INTS4: variants seen among roughly 807,000 people sequenced by gnomAD.
INTS4 encodes the protein integrator complex subunit 4.
In INTS4, 70 loss-of-function variants were observed where a neutral mutation model predicts 119.5. The ratio of observed to expected loss-of-function variants is 0.59; its 90% CI spans 0.48 to 0.71. INTS4 has a LOEUF of 0.71. Ranked by LOEUF, INTS4 falls within the 30% of genes least tolerant of loss-of-function variation. The probability of loss-of-function intolerance (pLI) is 0.00; values close to 1 mark genes in which losing one functional copy is unlikely to be tolerated. For synonymous variants in INTS4, 316 were observed against 419.6 expected (o/e 0.75, Z 3.02); for missense variants, 867 against 1,173.2 (o/e 0.74, Z 3.81).
At chr11:77,935,903 A>AAAGAAAGAAAAGAAAGAGAG (rs1953777761) in intron 10 of INTS4, among the ~76,000 whole-genome samples, 6 of 86,990 alleles carry the variant, frequency 6.9e-5, no homozygotes, top group African/African-American at 1.1e-4. Context: ...CTCAAAAAAA[A>AAAGAAAGAAAAGAAAGAGAG]AAAAAAGAAA....
intron 18 of INTS4, among the ~76,000 whole-genome samples, chr11:77,897,216 A>G (rs536663257): frequency 6.1e-4 from 93 of 152,036 alleles, no homozygotes; most frequent in Non-Finnish European, 1.1e-3. Flanking sequence ...TATAAAGATT[A>G]TAAGTGGTGG....
intron 10 of INTS4, among the ~76,000 whole-genome samples, chr11:77,930,045 C>A (rs1280673650): frequency 2.6e-5 from 4 of 152,110 alleles, no homozygotes; most frequent in Non-Finnish European, 5.9e-5. Context: ...ATAAGTGGGT[C>A]CTGAACACGT....
At position 77,939,850 on chromosome 11, in the gene INTS4, A is replaced by AC. The variant is rs561565736; in HGVS notation, c.991-1026_991-1025insG. 4.9e-4 allele frequency among the ~76,000 whole-genome samples: 74 copies of AC among 151,470 alleles called. 1 individual carries two copies. The South Asian group carries it at 0.014, about 29-fold the overall frequency. ...ACAGAGCGAGACCCTGTCTCAAACAAAAAAAAAAAACAAAACAAACAAACA... is the reference window on the plus strand; with the variant it reads ...ACAGAGCGAGACCCTGTCTCAAACAACAAAAAAAAAACAAAACAAACAAACA... On this transcript the variant is annotated intron_variant, in intron 9 of 22. Transcript: ENST00000534064.
intron 15 of INTS4, among the ~76,000 whole-genome samples, chr11:77,908,828 G>GAA (rs1429171232): frequency 7.1e-6 from 1 of 140,012 alleles, no homozygotes; most frequent in Non-Finnish European, 1.6e-5. Context: ...TTTTGTATCA[G>GAA]AAAAAAACAT....
At chr11:77,882,074 G>C (rs1951815322) in intron 22 of INTS4, among the ~76,000 whole-genome samples, 1 of 152,034 alleles carries the variant, frequency 6.6e-6, no homozygotes, top group African/African-American at 2.4e-5. Flanking sequence ...ACCATGCCCA[G>C]TTAACTTTTT....
intron 9 of INTS4, among the ~76,000 whole-genome samples, chr11:77,939,859 A>C (rs1000268342): frequency 3.9e-5 from 6 of 151,994 alleles, no homozygotes; most frequent in Non-Finnish European, 8.8e-5. Flanking sequence ...AAAAAAAAAA[A>C]ACAAAACAAA....
chr11:77,963,294 C>A (rs1855326981), intron 4 of INTS4: 7 of 336,728 alleles, frequency 2.1e-5, no homozygotes, highest in South Asian at 1.3e-4. Flanking sequence ...CTTCTTGCAT[C>A]AAGGTCATCA....
intron 10 of INTS4, among the ~76,000 whole-genome samples, chr11:77,937,614 C>T (rs74633701): frequency 1.3e-5 from 2 of 151,984 alleles, no homozygotes; most frequent in African/African-American, 2.4e-5. Context: ...CATGGTGACA[C>T]GTGCTTCTGG....
intron 15 of INTS4, chr11:77,918,401 G>A (rs1265570483): frequency 8.5e-6 from 2 of 234,850 alleles, no homozygotes; most frequent in South Asian, 8.8e-5. Flanking sequence ...TGGGTGACAG[G>A]GTGAGACCCT....
intron 20 of INTS4, 87 bp from the exon 21 acceptor site, chr11:77,891,549 T>G: frequency 3.2e-6 from 5 of 1,569,172 alleles, no homozygotes; most frequent in Non-Finnish European, 4.3e-6. Context: ...CCTTATCTAA[T>G]GAGTGGGCAT....
intron 15 of INTS4, among the ~76,000 whole-genome samples, chr11:77,913,142 T>C (rs1397207452): frequency 1.3e-5 from 2 of 152,268 alleles, no homozygotes; most frequent in East Asian, 3.9e-4. Flanking sequence ...GAGGTCACTA[T>C]TCATACTGAG....
chr11:77,923,051 G>A (rs189734210), intron 12 of INTS4, among the ~76,000 whole-genome samples: 4 of 152,298 alleles, frequency 2.6e-5, no homozygotes, highest in Admixed American at 2.0e-4. Flanking sequence ...CGGGTGTGGT[G>A]GCTCACGCCT....
chr11:77,928,477 G>T lies in INTS4; in HGVS notation c.1236C>A (p.Cys412Ter). The T allele has an allele frequency of 6.2e-7, 1 of 1,609,226 alleles. No homozygotes were observed. Among genetic ancestry groups the T allele is most frequent in the Admixed American group, 1.7e-5 (1 of 59,606 alleles). Residue 412 changes from cysteine (C) to a stop codon, truncating the protein, a stop_gained, in exon 11 of 23, where the codon TGC (cysteine) becomes TGA (stop). Coordinates refer to ENST00000534064, the MANE Select transcript of INTS4 (RefSeq NM_033547.4). LOFTEE classifies it high-confidence loss of function. ...AQSSPSFAEKCLDFLVDMFND... is the reference protein window; with the variant it reads ...AQSSPSFAEK ...TGAACATGTCAACTAGGAAATCAAG[G>T]CACTTCTCAGCAAAAGAGGGTGAAG...
rs552096159 is a variant in INTS4, at chr11:77,880,496, ACT to A, written c.2714-1371_2714-1370del. 5.6e-4 allele frequency among the ~76,000 whole-genome samples: 86 copies of A among 152,344 alleles called. No individual in the cohort carries two copies. In the South Asian group the frequency reaches 0.017, roughly 30 times the overall value. On this transcript the variant is annotated intron_variant, in intron 22 of 22. Coordinates refer to ENST00000534064, the MANE Select transcript of INTS4 (RefSeq NM_033547.4). ...GGGTCATGCAGCAGCCATGAGTGTA[ACT>A]GTCATGAAACTAACACTGTTCTCTG...
intron 2 of INTS4, among the ~76,000 whole-genome samples, chr11:77,989,989 A>G (rs1856604229): frequency 6.6e-6 from 1 of 151,866 alleles, no homozygotes; most frequent in Non-Finnish European, 1.5e-5. Flanking sequence ...GCCAGGGTGC[A>G]TGGATCACTT....
In INTS4 at chr11:77,979,032, T is replaced by C; in HGVS notation, c.435A>G (p.Gln145=). ...CATCAACTAATCGCATTTGGATAGC[T>C]TGATTCTCTGGTAGCTTAGTGCCAA... The part of the protein sequence containing the change: ...LAIGTKLPEN[Q]AIQMRLVDVA... Residue 145 remains glutamine, a synonymous_variant, in exon 4 of 23, where the codon CAA becomes CAG. Transcript: ENST00000534064. 1 of 1,613,044 alleles carries C rather than the reference T, an allele frequency of 6.2e-7. No individual in the cohort carries two copies. The highest frequency in any genetic ancestry group is 8.5e-7 in the Non-Finnish European group (1 of 1,179,158).
rs1183783237 is a variant in INTS4 at position 77,981,542 on chromosome 11, G to T, written c.281C>A (p.Ser94Ter). 2.5e-6 allele frequency: 4 copies of T among 1,585,540 alleles called. No homozygotes were observed. Among genetic ancestry groups the T allele is most frequent in the Non-Finnish European group, 3.4e-6 (4 of 1,164,356 alleles). The part of the protein sequence containing the change: ...NDPSVRLKIA[S>*]LLGLLSKTAG... ...TGTCTTTGATAATAAACCCAACAAT[G>T]ATGCAATTTTCAGTCTCACAGATGG... The change falls in exon 3 of 23, where the codon TCA (serine) becomes TAA (stop). Residue 94 changes from serine to a stop codon, truncating the protein, a stop_gained. Transcript: ENST00000534064. LOFTEE classifies it high-confidence loss of function.
chr11:77,918,677 A>G, intron 15 of INTS4, 144 bp downstream of exon 15: 1 of 1,095,772 alleles, frequency 9.1e-7, no homozygotes, highest in Non-Finnish European at 1.3e-6. Context: ...AATCTAATCC[A>G]AATATAAACA....
chr11:77,944,812 G>A (rs11237329), intron 8 of INTS4, among the ~76,000 whole-genome samples: 28,406 of 152,006 alleles, frequency 0.19, 2,732 homozygotes, highest in Middle Eastern at 0.23. Flanking sequence ...TGCCCAACAA[G>A]TAAGTATAAT....
Sources: allele counts gnomAD v4.1 joint callset (sites outside exome capture counted in the v4.1 genomes callset), GRCh38; gene constraint gnomAD v4.1.1; transcripts MANE v1.5; gene names NCBI Gene and HGNC (gene_info 2026-07-23, HGNC 2026-07-21).